The following STX8 variants were observed in gnomAD, a reference collection of about 807,000 sequenced individuals.
STX8 encodes the protein syntaxin-8.
In STX8, 23 loss-of-function variants were observed where a neutral mutation model predicts 37.5. The ratio of observed to expected loss-of-function variants is 0.61; its 90% confidence interval spans 0.44 to 0.87. The LOEUF is 0.87. STX8 is among the 40% of genes least tolerant of loss of function. STX8 has a pLI of 0.00. For synonymous variants in STX8, 115 were observed against 99.1 expected (o/e 1.16, Z -0.95); for missense variants, 313 against 284.7 (o/e 1.10, Z -0.71).
chr17:9,430,116 A>AAT, intron 6 of STX8, among the ~76,000 whole-genome samples: 1 of 89,016 alleles, frequency 1.1e-5, no homozygotes, highest in Non-Finnish European at 2.1e-5. Context: ...TTTATATATA[A>AAT]ATAAATATAA....
In STX8 at chr17:9,333,832, A is replaced by G. The variant is rs143151609; in HGVS notation, c.643+44720T>C. The stretch of plus-strand genomic sequence containing the variant: ...ATTTTTCAGACTGCCTAACTGCTCA[A>G]TGGGTTCACCTTACCCAATTTGTAA... On this transcript the variant is annotated intron_variant, in intron 7 of 7. Transcript: ENST00000306357. Among the ~76,000 whole-genome samples the G allele has an allele frequency of 3.8e-4, 58 of 152,308 alleles. No individual in the cohort carries two copies. The East Asian group carries it at 0.011, about 29-fold the overall frequency.
intron 6 of STX8, among the ~76,000 whole-genome samples, chr17:9,431,140 G>A (rs897324614): frequency 1.3e-5 from 2 of 151,614 alleles, no homozygotes; most frequent in Admixed American, 1.3e-4. Flanking sequence ...ACAGGTGTAA[G>A]CCACTGCGCC....
chr17:9,436,253 G>A (rs1904427507), intron 6 of STX8, among the ~76,000 whole-genome samples: 1 of 151,566 alleles, frequency 6.6e-6, no homozygotes, highest in Admixed American at 6.6e-5. Flanking sequence ...GCTGAGGCAG[G>A]AGAATGGCAT....
intron 2 of STX8, among the ~76,000 whole-genome samples, chr17:9,566,608 G>A (rs554176017): frequency 8.5e-4 from 130 of 152,220 alleles, no homozygotes; most frequent in African/African-American, 3.0e-3. Context: ...CCAACATGGC[G>A]AAACCCCATC....
intron 6 of STX8, among the ~76,000 whole-genome samples, chr17:9,425,930 C>A (rs1206966526): frequency 6.6e-6 from 1 of 152,156 alleles, no homozygotes; most frequent in Non-Finnish European, 1.5e-5. Context: ...CGCACGTATG[C>A]ACGCGCACAC....
At position 9,507,627 on chromosome 17, in the gene STX8, C is replaced by T. The variant is rs1305202993; in HGVS notation, c.324-2465G>A. On this transcript the variant is annotated intron_variant, in intron 4 of 7. Coordinates refer to ENST00000306357, the MANE Select transcript of STX8 (RefSeq NM_004853.3). This position sits in a 1 kb window ranked among gnomAD's most constrained non-coding sequence, Gnocchi z 4.0. ...GGCCAAGCAACCAAGCAACTGTGCC[C>T]TCAGCCAGAGTAAGGGCACCAACCC... 6.6e-6 allele frequency among the ~76,000 whole-genome samples: 1 copy of T among 152,226 alleles called. No homozygotes were observed. The highest frequency in any genetic ancestry group is 1.5e-5 in the Non-Finnish European group (1 of 68,042).
At chr17:9,305,154 G>A (rs1026624132) in intron 7 of STX8, among the ~76,000 whole-genome samples, 11 of 151,784 alleles carry the variant, frequency 7.2e-5, no homozygotes, top group East Asian at 1.9e-4. Flanking sequence ...GTGCAGTGGC[G>A]CGGTCTCGGC....
chr17:9,366,111 G>T (rs1911222414), intron 7 of STX8, among the ~76,000 whole-genome samples: 1 of 152,212 alleles, frequency 6.6e-6, no homozygotes. Context: ...CTCTCAGCAA[G>T]CAGCCTTGAT....
At chr17:9,509,542 G>A (rs1320035840) in intron 4 of STX8, among the ~76,000 whole-genome samples, 2 of 152,100 alleles carry the variant, frequency 1.3e-5, no homozygotes, top group Non-Finnish European at 1.5e-5. Context: ...AAGTGCTCAA[G>A]GGAGTATTAC....
chr17:9,262,579 GTTTTGTTT>G (rs1907079175), intron 7 of STX8, among the ~76,000 whole-genome samples: 1 of 145,436 alleles, frequency 6.9e-6, no homozygotes, highest in African/African-American at 2.8e-5. Flanking sequence ...TTTTTGTTTT[GTTTTGTTT>G]TTTTGTTTTT....
chr17:9,292,824 G>A (rs918909917), intron 7 of STX8, among the ~76,000 whole-genome samples: 8 of 152,154 alleles, frequency 5.3e-5, no homozygotes, highest in Non-Finnish European at 1.2e-4. Context: ...TTCTAAGAAT[G>A]TGCTCTGCAG....
At chr17:9,497,208 T>TATATTA (rs1904440183) in intron 5 of STX8, among the ~76,000 whole-genome samples, 1 of 152,076 alleles carries the variant, frequency 6.6e-6, no homozygotes, top group African/African-American at 2.4e-5. Context: ...TAAAGAAACT[T>TATATTA]AAGAGACATA....
chr17:9,360,661 G>GT (rs1329897944), intron 7 of STX8, among the ~76,000 whole-genome samples: 1 of 100,198 alleles, frequency 1.0e-5, no homozygotes, highest in Admixed American at 9.7e-5. Flanking sequence ...ATTTATTAGT[G>GT]TTAAAAAAAA....
intron 6 of STX8, among the ~76,000 whole-genome samples, chr17:9,482,721 C>T (rs1023371035): frequency 6.6e-6 from 1 of 152,150 alleles, no homozygotes; most frequent in Non-Finnish European, 1.5e-5. Flanking sequence ...CGAGACCAGC[C>T]TGACCAACAT....
intron 7 of STX8, among the ~76,000 whole-genome samples, chr17:9,262,137 G>A (rs1397257552): frequency 6.6e-6 from 1 of 152,194 alleles, no homozygotes; most frequent in East Asian, 1.9e-4. Context: ...TACACCAAAT[G>A]CTTATCTCAT....
intron 7 of STX8, among the ~76,000 whole-genome samples, chr17:9,274,182 CT>C (rs551842528): frequency 9.5e-4 from 145 of 152,238 alleles, no homozygotes; most frequent in Non-Finnish European, 1.7e-3. Flanking sequence ...CTCACTTGGT[CT>C]TCTTAAGGTA....
chr17:9,321,828 A>G (rs1250637383), intron 7 of STX8, among the ~76,000 whole-genome samples: 1 of 152,144 alleles, frequency 6.6e-6, no homozygotes, highest in African/African-American at 2.4e-5. Flanking sequence ...TAAATATACC[A>G]TTTATTAATA....
intron 7 of STX8, among the ~76,000 whole-genome samples, chr17:9,371,803 TA>T (rs1452409884): frequency 8.5e-5 from 13 of 152,170 alleles, no homozygotes; most frequent in African/African-American, 3.1e-4. Context: ...TCGGGTTTCT[TA>T]AGATGCTTTC....
chr17:9,526,115 G>A (rs1266881298), intron 4 of STX8, among the ~76,000 whole-genome samples: 1 of 152,176 alleles, frequency 6.6e-6, no homozygotes, highest in Non-Finnish European at 1.5e-5. Flanking sequence ...AAGCCAGTGG[G>A]AAAGGAATAC....
Sources: allele counts gnomAD v4.1 joint callset (sites outside exome capture counted in the v4.1 genomes callset), GRCh38; gene constraint gnomAD v4.1.1; non-coding constraint Gnocchi (gnomAD v3.1); transcripts MANE v1.5; gene names NCBI Gene and HGNC (gene_info 2026-07-23, HGNC 2026-07-21).